Variants in ACCS observed in about 807,000 individuals in gnomAD.
ACCS encodes the protein 1-aminocyclopropane-1-carboxylate synthase-like protein 1.
In ACCS, 42 loss-of-function variants were observed where a neutral mutation model predicts 59.8. That is an observed-to-expected ratio of 0.70 (90% CI 0.55 to 0.91). ACCS has a LOEUF of 0.91. Ranked by LOEUF, ACCS falls within the 40% of genes least tolerant of loss-of-function variation. The pLI is 0.00. For missense variants in ACCS, 602 were observed against 630.4 expected, an observed-to-expected ratio of 0.95 and a Z score of 0.48; for synonymous variants, 230 against 240.3, an observed-to-expected ratio of 0.96 and a Z score of 0.40.
At position 44,083,704 on chromosome 11, in the gene ACCS, G is replaced by A. The variant is rs748341640; in HGVS notation, c.1418G>A (p.Arg473Lys). Reference sequence around the variant, plus strand: ...CACTTCCCCTTCCCAGGGATGCAGAGGGTCCAGCAGGTGCTTGCAGGCAAA... The same window carrying A: ...CACTTCCCCTTCCCAGGGATGCAGAAGGTCCAGCAGGTGCTTGCAGGCAAA... The part of the protein sequence containing the change: ...QVHRLCLGMQ[R>K]VQQVLAGKSQ... The change falls in exon 15 of 15, where the codon AGG (arginine) becomes AAG (lysine). Residue 473 changes from arginine to lysine, a missense_variant. Physicochemically the swap from Arg to Lys is conservative, Grantham distance 26. Coordinates refer to ENST00000263776, the MANE Select transcript of ACCS (RefSeq NM_032592.4). 5.0e-5 allele frequency: 80 copies of A among 1,614,018 alleles called. No individual in the cohort carries two copies. The highest frequency in any genetic ancestry group is 3.3e-4 in the Middle Eastern group (2 of 6,084).
chr11:44,069,459 C>T (rs567172268), intron 2 of ACCS, among the ~76,000 whole-genome samples: 20 of 152,262 alleles, frequency 1.3e-4, no homozygotes, highest in East Asian at 3.9e-4. Flanking sequence ...TCAGGTGATC[C>T]GCCTGCCTCC....
chr11:44,078,717 C>T lies in ACCS; in HGVS notation c.766C>T (p.Pro256Ser). 6.2e-7 allele frequency: 1 copy of T among 1,614,050 alleles called. No individual in the cohort carries two copies. The highest frequency in any genetic ancestry group is 8.5e-7 in the Non-Finnish European group (1 of 1,180,000). ...GGTCAAAGGCCTCATCCTCATCAGC[C>T]CCCAGAACCCTCTGGGTGATGTATA... ...VKVKGLILIS[P>S]QNPLGDVYSP... Residue 256 changes from proline (P) to serine (S), a missense_variant, in exon 9 of 15, where the codon CCC becomes TCC. Coordinates refer to ENST00000263776, the MANE Select transcript of ACCS (RefSeq NM_032592.4).
At chr11:44,072,951 T>C (rs1428611505) in intron 3 of ACCS, among the ~76,000 whole-genome samples, 2 of 152,212 alleles carry the variant, frequency 1.3e-5, no homozygotes, top group Admixed American at 1.3e-4. Context: ...GTTTCTAACC[T>C]AGCACTGGTC....
At position 44,079,556 on chromosome 11, in the gene ACCS, G is replaced by A. The variant is rs142310748; in HGVS notation, c.859G>A (p.Glu287Lys). The A allele has an allele frequency of 2.1e-4, 346 of 1,611,954 alleles. No individual in the cohort carries two copies. The highest frequency in any genetic ancestry group is 2.6e-4 in the Non-Finnish European group (308 of 1,179,446). The part of the protein sequence containing the change: ...KRHRLHVIVD[E>K]VYMLSVFEKS... ...GCACAGGCTGCATGTGATTGTGGAT[G>A]AGGTCTACATGCTGTCCGTGTTTGA... The change falls in exon 10 of 15, where the codon GAG (glutamate) becomes AAG (lysine). Residue 287 changes from glutamate to lysine, a missense_variant. Transcript: ENST00000263776.
In ACCS at chr11:44,077,889, G is replaced by C; in HGVS notation, c.699G>C (p.Lys233Asn). 1 of 1,614,114 alleles carries C rather than the reference G, an allele frequency of 6.2e-7. No individual in the cohort carries two copies. The highest frequency in any genetic ancestry group is 8.5e-7 in the Non-Finnish European group (1 of 1,179,988). The change falls in exon 8 of 15, where the codon AAG becomes AAC. Residue 233 changes from lysine (K) to asparagine (N), a missense_variant. By Grantham distance (94) the Lys-to-Asn change is moderately conservative. Transcript: ENST00000263776. Reference protein sequence around the residue: ...DTRPFQLTVEKLEMALREAHS... With the variant: ...DTRPFQLTVENLEMALREAHS... ...GCCCCTTCCAGCTCACAGTGGAGAA[G>C]CTGGAGATGGCCCTGAGAGAAGCTC...
chr11:44,074,371 G>C (rs868774231), intron 4 of ACCS, among the ~76,000 whole-genome samples: 1 of 151,992 alleles, frequency 6.6e-6, no homozygotes, highest in Admixed American at 6.6e-5. Context: ...CATGGAGGGT[G>C]TTACTTTTGA....
chr11:44,083,178 A>G lies in ACCS; in HGVS notation c.1121A>G (p.Asn374Ser), dbSNP rs778515835. Reference protein sequence around the residue: ...AQLLRDRDWINQVYLPENHAR... With the variant: ...AQLLRDRDWISQVYLPENHAR... ...TCTTTCACCCAAACAGACTGGATCA[A>G]CCAGGTGTACCTGCCGGAAAACCAT... Residue 374 changes from asparagine (N) to serine (S), a missense_variant, in exon 13 of 15, where the codon AAC becomes AGC. Transcript: ENST00000263776. 6 of 1,614,008 alleles carry G rather than the reference A, an allele frequency of 3.7e-6. No homozygotes were observed. The African/African-American group carries it at 8.0e-5, about 22-fold the overall frequency.
Position 44,078,677 on chromosome 11 carries a change from G to T in ACCS, c.733-7G>T, listed in dbSNP as rs765771646. 1 of 1,613,820 alleles carries T rather than the reference G, an allele frequency of 6.2e-7. No homozygotes were observed. The highest frequency in any genetic ancestry group is 1.1e-5 in the South Asian group (1 of 91,060). On this transcript the variant is annotated splice_region_variant and splice_polypyrimidine_tract_variant and intron_variant, in intron 8 of 14. Transcript: ENST00000263776. ...TGAGGGTCTCCTGCCCTAACGGATG[G>T]TTTCAGGGTGTGAAGGTCAAAGGCC...
chr11:44,074,349 T>G (rs1251032344), intron 4 of ACCS, among the ~76,000 whole-genome samples: 1 of 152,080 alleles, frequency 6.6e-6, no homozygotes, highest in Non-Finnish European at 1.5e-5. Flanking sequence ...TTAGTATAAT[T>G]AGCTAGATCT....
At chr11:44,075,456 TG>T in intron 5 of ACCS, 69 bp from the exon 6 acceptor site, 2 of 1,537,946 alleles carry the variant, frequency 1.3e-6, no homozygotes, top group Non-Finnish European at 9.0e-7. Context: ...TGTGCTGTCC[TG>T]GGAGGCTGCG....
intron 7 of ACCS, 35 bp downstream of exon 7, chr11:44,077,411 C>G: frequency 1.2e-6 from 2 of 1,612,362 alleles, no homozygotes; most frequent in Non-Finnish European, 1.7e-6. Context: ...GAACCTGGGC[C>G]TGCCTGTGGT....
intron 6 of ACCS, among the ~76,000 whole-genome samples, chr11:44,077,039 G>A (rs1953396844): frequency 6.6e-6 from 1 of 152,206 alleles, no homozygotes; most frequent in Non-Finnish European, 1.5e-5. Flanking sequence ...CTATGACGCA[G>A]GGGAATTATG....
chr11:44,079,290 G>A lies in ACCS; in HGVS notation c.834-241G>A, dbSNP rs7126128. On this transcript the variant is annotated intron_variant, in intron 9 of 14. Transcript: ENST00000263776. ...TGCATGACCTTGCCCCTCCATGGAG[G>A]TGCCCGGGAGATCCTTTTCTCCCCT... The A allele has an allele frequency of 6.6e-3, 3,270 of 499,224 alleles. 84 individuals are homozygous for A. The highest frequency in any genetic ancestry group is 0.057 in the African/African-American group (2,942 of 51,630). 30.9% of individuals were successfully genotyped at this position (499,224 alleles called of 1,614,324 possible).
rs1952855171 is a variant in ACCS at position 44,067,684 on chromosome 11, C to G, written c.57C>G (p.Thr19=). 1.2e-6 allele frequency: 2 copies of G among 1,614,168 alleles called. No individual in the cohort carries two copies. The highest frequency in any genetic ancestry group is 1.3e-5 in the African/African-American group (1 of 75,054). The stretch of plus-strand genomic sequence containing the variant: ...CTCCCACCACCTGTCTGGGCCCCAC[C>G]TGCATGCAGGACCTGGGCAGTAGCC... ...FRAPTTCLGP[T]CMQDLGSSHG... is the part of the protein sequence containing the mutation. Residue 19 remains threonine, a synonymous_variant, in exon 2 of 15, where the codon ACC becomes ACG. Transcript: ENST00000263776.
chr11:44,074,759 T>TCTTTCTTTCTTTCTTTCTTTCTTTCTTC (rs1953253000), intron 5 of ACCS, 78 bp downstream of exon 5: 1 of 522,266 alleles, frequency 1.9e-6, no homozygotes, highest in African/African-American at 2.2e-5. Flanking sequence ...TTTCTTTCTT[T>TCTTTCTTTCTTTCTTTCTTTCTTTCTTC]CTTTCTTTCT....
At chr11:44,079,771 C>A (rs1953554231) in intron 10 of ACCS, 151 bp downstream of exon 10, 1 of 653,280 alleles carries the variant, frequency 1.5e-6, no homozygotes, top group Non-Finnish European at 2.6e-6. Flanking sequence ...TAATGAGAAG[C>A]AGGGACGGTT....
chr11:44,073,367 G>A (rs1953153972), intron 3 of ACCS, 80 bp from the exon 4 acceptor site: 15 of 1,178,352 alleles, frequency 1.3e-5, no homozygotes, highest in East Asian at 5.0e-5. Flanking sequence ...CAGAACAAGC[G>A]TTCAGCTTTA....
rs763537463 is a variant in ACCS, at chr11:44,079,524, A to C, written c.834-7A>C. ...AGTCTCTCCTCCCCACCCCTGCCTC[A>C]CTCCAGGCACAGGCTGCATGTGATT... On this transcript the variant is annotated splice_region_variant and splice_polypyrimidine_tract_variant and intron_variant, in intron 9 of 14. Coordinates refer to ENST00000263776, the MANE Select transcript of ACCS (RefSeq NM_032592.4). 6.2e-7 allele frequency: 1 copy of C among 1,606,916 alleles called. No homozygotes were observed. Among genetic ancestry groups the C allele is most frequent in the Admixed American group, 1.7e-5 (1 of 59,434 alleles).
chr11:44,074,828 T>A, intron 5 of ACCS, 147 bp downstream of exon 5: 4 of 357,260 alleles, frequency 1.1e-5, no homozygotes, highest in Non-Finnish European at 1.3e-5. Context: ...TTTTTTTTTA[T>A]TTTTTTTATT....
Sources: allele counts gnomAD v4.1 joint callset (sites outside exome capture counted in the v4.1 genomes callset), GRCh38; gene constraint gnomAD v4.1.1; transcripts MANE v1.5; gene names NCBI Gene and HGNC (gene_info 2026-07-23, HGNC 2026-07-21).